Variants in PRUNE2 observed in about 807,000 individuals in gnomAD.
The protein encoded by PRUNE2 is prune homolog 2 with BCH domain.
Under a neutral mutation model 252.0 loss-of-function variants are expected in PRUNE2, and 164 were observed. The ratio of observed to expected loss-of-function variants is 0.65; its 90% CI spans 0.57 to 0.74. The LOEUF is 0.74. PRUNE2 is among the 30% of genes least tolerant of loss of function. The pLI is 0.00. For synonymous variants in PRUNE2, 1,292 were observed against 1,350.2 expected (o/e 0.96, Z 0.94); for missense variants, 3,495 against 3,711.0 (o/e 0.94, Z 1.51).
intron 6 of PRUNE2, among the ~76,000 whole-genome samples, chr9:76,728,586 T>G (rs2048318583): frequency 6.6e-6 from 1 of 152,250 alleles, no homozygotes; most frequent in Admixed American, 6.5e-5. Flanking sequence ...TTGACTGAAC[T>G]TTGATAGTCA....
At chr9:76,647,482 C>A (rs1845420545) in intron 11 of PRUNE2, among the ~76,000 whole-genome samples, 1 of 152,062 alleles carries the variant, frequency 6.6e-6, no homozygotes, top group African/African-American at 2.4e-5. Flanking sequence ...TTTTTAGATA[C>A]AACACCAAAG....
intron 1 of PRUNE2, among the ~76,000 whole-genome samples, chr9:76,859,371 G>A (rs1397372009): frequency 1.3e-5 from 2 of 152,028 alleles, no homozygotes; most frequent in Non-Finnish European, 2.9e-5. Flanking sequence ...GCACTTGTTA[G>A]GCAAAAGCAC....
intron 4 of PRUNE2, among the ~76,000 whole-genome samples, chr9:76,839,880 T>A (rs895523800): frequency 4.6e-5 from 7 of 152,186 alleles, no homozygotes; most frequent in Admixed American, 3.9e-4. Context: ...GAAAGAATCA[T>A]GTATAACTCC....
At chr9:76,855,367 A>G (rs536765537) in intron 1 of PRUNE2, among the ~76,000 whole-genome samples, 1 of 152,226 alleles carries the variant, frequency 6.6e-6, no homozygotes, top group South Asian at 2.1e-4. Context: ...CTACCTAGAA[A>G]GCCAACTTAG....
At chr9:76,775,470 T>G (rs557672454) in intron 6 of PRUNE2, among the ~76,000 whole-genome samples, 53 of 134,750 alleles carry the variant, frequency 3.9e-4, no homozygotes, top group African/African-American at 1.4e-3. Flanking sequence ...CTAATTTTTG[T>G]GGTTTTTTTT....
At chr9:76,785,306 C>T (rs1161065911) in intron 6 of PRUNE2, 1 of 152,152 alleles carries the variant, frequency 6.6e-6, no homozygotes, top group African/African-American at 2.4e-5. Context: ...TGAGATTCAT[C>T]ATCACATGAG....
At chr9:76,649,458 T>C (rs1180073164) in intron 11 of PRUNE2, among the ~76,000 whole-genome samples, 1 of 152,116 alleles carries the variant, frequency 6.6e-6, no homozygotes, top group Non-Finnish European at 1.5e-5. Flanking sequence ...TGGTGGCACA[T>C]GCCTGTAGTC....
chr9:76,751,170 G>C, intron 6 of PRUNE2, among the ~76,000 whole-genome samples: 1 of 152,122 alleles, frequency 6.6e-6, no homozygotes, highest in African/African-American at 2.4e-5. Flanking sequence ...CTGCTAAGCA[G>C]TCTGGATGTA....
intron 15 of PRUNE2, among the ~76,000 whole-genome samples, chr9:76,630,138 T>C (rs982110539): frequency 6.6e-6 from 1 of 152,192 alleles, no homozygotes; most frequent in Non-Finnish European, 1.5e-5. Flanking sequence ...TCTGTTTACT[T>C]ATTTGTTTGT....
intron 1 of PRUNE2, among the ~76,000 whole-genome samples, chr9:76,886,450 C>T (rs1314776031): frequency 6.6e-6 from 1 of 152,174 alleles, no homozygotes; most frequent in Non-Finnish European, 1.5e-5. Flanking sequence ...ATTATGTTCA[C>T]TAGTAAACAC....
At chr9:76,690,141 C>G (rs2044553547) in intron 9 of PRUNE2, among the ~76,000 whole-genome samples, 1 of 152,202 alleles carries the variant, frequency 6.6e-6, no homozygotes, top group Admixed American at 6.5e-5. Context: ...TCTTTGTCAA[C>G]CTGGCAGACA....
chr9:76,787,898 C>T (rs1203541430), intron 6 of PRUNE2, among the ~76,000 whole-genome samples: 1 of 152,224 alleles, frequency 6.6e-6, no homozygotes, highest in African/African-American at 2.4e-5. Context: ...CCGCAGCTTC[C>T]GGCCCTGTCT....
At chr9:76,645,004 T>C (rs1408350178) in intron 11 of PRUNE2, 95 bp from the exon 12 acceptor site, 8 of 1,109,240 alleles carry the variant, frequency 7.2e-6, no homozygotes, top group Non-Finnish European at 1.0e-5. Flanking sequence ...ACAGTACTCC[T>C]ACGGGCAGCC....
rs1325677665 is a variant in PRUNE2, at chr9:76,692,301, G to C, written c.8276+11036C>G. ...GCTGGGGCTGTGCTGAGTTTCATTT[G>C]GGAATATACGATACCCTTTCACCCA... is the stretch of plus-strand genomic sequence containing the variant. On this transcript the variant is annotated intron_variant, in intron 9 of 18. Transcript: ENST00000376718. 6 of 604,828 alleles carry C rather than the reference G, an allele frequency of 9.9e-6. No individual in the cohort carries two copies. In the East Asian group the frequency reaches 1.4e-4, roughly 14 times the overall value. The allele number at this position is 604,828 out of a possible 1,614,324, so 37.5% of individuals were successfully genotyped here.
intron 6 of PRUNE2, among the ~76,000 whole-genome samples, chr9:76,754,268 T>C (rs2050902444): frequency 1.3e-5 from 2 of 151,144 alleles, no homozygotes; most frequent in Non-Finnish European, 2.9e-5. Context: ...TTTGTGGGAG[T>C]GGGGGTGGGG....
chr9:76,664,904 C>G (rs1358136733), intron 9 of PRUNE2, among the ~76,000 whole-genome samples: 1 of 152,206 alleles, frequency 6.6e-6, no homozygotes, highest in Non-Finnish European at 1.5e-5. Context: ...AGCTCCCAAA[C>G]TGGCATTCAC....
chr9:76,704,168 C>T (rs2046123771), intron 8 of PRUNE2, 69 bp from the exon 9 acceptor site: 1 of 1,021,564 alleles, frequency 9.8e-7, no homozygotes, highest in Non-Finnish European at 1.4e-6. Context: ...GATTTGTGAT[C>T]CTTGCAAATG....
intron 1 of PRUNE2, 131 bp downstream of exon 1, chr9:76,905,797 G>A (rs1425906692): frequency 1.3e-5 from 15 of 1,184,030 alleles, no homozygotes; most frequent in African/African-American, 4.5e-5. Context: ...TCTTCCAGGA[G>A]ACAACCCGCA....
chr9:76,866,548 C>T (rs543279066), intron 1 of PRUNE2, among the ~76,000 whole-genome samples: 2 of 152,288 alleles, frequency 1.3e-5, no homozygotes, highest in South Asian at 2.1e-4. Flanking sequence ...GCCTGCCTTC[C>T]CCAAGGGTTG....
Sources: gnomAD v4.1 joint callset for allele counts (sites outside exome capture counted in the v4.1 genomes callset) on GRCh38, gnomAD v4.1.1 for gene constraint, MANE v1.5 for transcripts, NCBI Gene and HGNC (gene_info 2026-07-23, HGNC 2026-07-21) for gene names.